The following RAB30 variants were observed in gnomAD, a reference collection of about 807,000 sequenced individuals.
RAB30 encodes RAB30, member RAS oncogene family, also known as ras-related protein Rab-30.
In RAB30, 9 loss-of-function variants were observed where a neutral mutation model predicts 25.1. The observed-to-expected ratio is 0.36, with a 90% CI of 0.22 to 0.63. RAB30 has a LOEUF of 0.63. Ranked by LOEUF, RAB30 falls within the 20% of genes least tolerant of loss-of-function variation. RAB30 has a pLI of 0.69. For missense variants in RAB30, 140 were observed against 243.5 expected (o/e 0.58, Z 2.83); for synonymous variants, 77 against 86.4 (o/e 0.89, Z 0.60).
chr11:83,006,463 C>T (rs1404314691), intron 1 of RAB30, among the ~76,000 whole-genome samples: 1 of 152,114 alleles, frequency 6.6e-6, no homozygotes, highest in Non-Finnish European at 1.5e-5. Context: ...AGGGCGGGGG[C>T]ATATGATTCT....
At chr11:83,016,749 T>C (rs958416859) in intron 1 of RAB30, among the ~76,000 whole-genome samples, 2 of 152,108 alleles carry the variant, frequency 1.3e-5, no homozygotes, top group Non-Finnish European at 2.9e-5. Context: ...GCTCTGAAAA[T>C]AATCAGAACA....
rs1856622533 is a variant in RAB30 at position 82,980,737 on chromosome 11, T to C, written c.*1428A>G. On this transcript the variant is annotated 3_prime_UTR_variant, in exon 5 of 5. Coordinates refer to ENST00000527633, the MANE Select transcript of RAB30 (RefSeq NM_001286060.2). ...CATATTCAGCAGCACATCTCCCATT[T>C]TGAGTCCTGTTTTTAAATTGGCTAA... 1 of 152,126 alleles carries C rather than the reference T, an allele frequency of 6.6e-6. No homozygotes were observed. The highest frequency in any genetic ancestry group is 2.1e-4 in the South Asian group (1 of 4,824). The allele number at this position is 152,126 out of a possible 1,614,324, so 9.4% of individuals were successfully genotyped here.
chr11:83,002,947 T>C (rs972145713), intron 1 of RAB30, among the ~76,000 whole-genome samples: 1 of 152,218 alleles, frequency 6.6e-6, no homozygotes, highest in Non-Finnish European at 1.5e-5. Context: ...CCTAGTCCCC[T>C]AAAATATTTT....
chr11:83,003,770 A>T (rs1189480939), intron 1 of RAB30, among the ~76,000 whole-genome samples: 1 of 151,892 alleles, frequency 6.6e-6, no homozygotes, highest in Non-Finnish European at 1.5e-5. Flanking sequence ...ATTTTATTAC[A>T]AATTTGTTAA....
intron 1 of RAB30, among the ~76,000 whole-genome samples, chr11:83,028,858 G>A (rs534881094): frequency 2.4e-4 from 37 of 152,126 alleles, no homozygotes; most frequent in African/African-American, 7.7e-4. Context: ...CCAACATGGC[G>A]AGACCCTATC....
chr11:83,010,089 G>A (rs1332429749), intron 1 of RAB30, among the ~76,000 whole-genome samples: 2 of 152,150 alleles, frequency 1.3e-5, no homozygotes, highest in Non-Finnish European at 2.9e-5. Context: ...AAGATGGAGG[G>A]AGAAGTAAAA....
At position 83,060,813 on chromosome 11, in the gene RAB30, T is replaced by C. The variant is rs1398027636; in HGVS notation, c.-9+10878A>G. On this transcript the variant is annotated intron_variant, in intron 1 of 4. Transcript: ENST00000527633. Reference sequence around the variant, plus strand: ...AGACTGTTTCCAGAGGAGATAAGCATGTCTCAGTGGACCAGGTGTGGAAGA... The same window carrying C: ...AGACTGTTTCCAGAGGAGATAAGCACGTCTCAGTGGACCAGGTGTGGAAGA... Among the ~76,000 whole-genome samples the C allele has an allele frequency of 2.6e-5, 4 of 152,198 alleles. No individual in the cohort carries two copies. The East Asian group carries it at 7.7e-4, about 29-fold the overall frequency.
Position 83,051,699 on chromosome 11 carries a change from A to G in RAB30, c.-9+19992T>C, listed in dbSNP as rs575813878. On this transcript the variant is annotated intron_variant, in intron 1 of 4. Transcript: ENST00000527633. ...CACTTACAGTTAAAAAAAAAAAACA[A>G]AAACCCTCTTCCCCACCCTCATTTC... Among the ~76,000 whole-genome samples the G allele has an allele frequency of 2.0e-5, 3 of 152,134 alleles. No homozygotes were observed. In the South Asian group the frequency reaches 6.2e-4, roughly 32 times the overall value.
intron 1 of RAB30, among the ~76,000 whole-genome samples, chr11:83,030,460 T>C (rs143776659): frequency 4.8e-4 from 73 of 152,120 alleles, no homozygotes; most frequent in African/African-American, 1.7e-3. Flanking sequence ...TTCATGCCAC[T>C]GTACTCCAGC....
At chr11:83,017,535 C>G (rs1857465461) in intron 1 of RAB30, among the ~76,000 whole-genome samples, 1 of 151,970 alleles carries the variant, frequency 6.6e-6, no homozygotes, top group Non-Finnish European at 1.5e-5. Flanking sequence ...TCAGCCCCCT[C>G]CCACCTTTCC....
At chr11:83,017,142 C>T (rs1386341991) in intron 1 of RAB30, among the ~76,000 whole-genome samples, 1 of 152,120 alleles carries the variant, frequency 6.6e-6, no homozygotes, top group Non-Finnish European at 1.5e-5. Context: ...AGTTCGAGAA[C>T]AGCCTGAGTA....
intron 1 of RAB30, among the ~76,000 whole-genome samples, chr11:83,011,421 G>A (rs2121493437): frequency 6.6e-6 from 1 of 150,562 alleles, no homozygotes; most frequent in South Asian, 2.1e-4. Flanking sequence ...CATAATGTCA[G>A]TTTGTAAGTA....
rs138710501 is a variant in RAB30 at position 83,031,890 on chromosome 11, C to T, written c.-8-34566G>A. On this transcript the variant is annotated intron_variant, in intron 1 of 4. Coordinates refer to ENST00000527633, the MANE Select transcript of RAB30 (RefSeq NM_001286060.2). The stretch of plus-strand genomic sequence containing the variant: ...TAAACTTAGTCGAGGTTCTTTTCTG[C>T]CTCTATTTGTCTTGACCATGTGCTG... 2.6e-5 allele frequency among the ~76,000 whole-genome samples: 4 copies of T among 152,278 alleles called. No homozygotes were observed. The East Asian group carries it at 5.8e-4, about 22-fold the overall frequency.
intron 1 of RAB30, among the ~76,000 whole-genome samples, chr11:83,069,664 T>C (rs568095631): frequency 6.6e-6 from 1 of 152,210 alleles, no homozygotes; most frequent in Non-Finnish European, 1.5e-5. Context: ...GGCAAGCCAC[T>C]TGAAGACTAC....
chr11:82,988,945 T>C (rs1392198824), intron 3 of RAB30, among the ~76,000 whole-genome samples: 1 of 130,114 alleles, frequency 7.7e-6, no homozygotes, highest in South Asian at 2.7e-4. Context: ...TTCTCCCTCA[T>C]GGCACCTGAC....
intron 1 of RAB30, among the ~76,000 whole-genome samples, chr11:83,059,858 T>C (rs1427664398): frequency 6.6e-6 from 1 of 152,116 alleles, no homozygotes; most frequent in Non-Finnish European, 1.5e-5. Context: ...TAATAGATTA[T>C]AACACATTGT....
chr11:83,024,064 G>T (rs962904216), intron 1 of RAB30, among the ~76,000 whole-genome samples: 1 of 152,134 alleles, frequency 6.6e-6, no homozygotes, highest in African/African-American at 2.4e-5. Context: ...GGAAGGACTG[G>T]ATTTTATTCA....
chr11:83,059,182 C>G (rs1477007876), intron 1 of RAB30, among the ~76,000 whole-genome samples: 1 of 152,142 alleles, frequency 6.6e-6, no homozygotes, highest in African/African-American at 2.4e-5. Context: ...GCTCAAATGA[C>G]CTGCCTGCCT....
chr11:83,027,452 G>A lies in RAB30; in HGVS notation c.-8-30128C>T, dbSNP rs1330615927. Among the ~76,000 whole-genome samples, 4 of 152,066 alleles carry A rather than the reference G, an allele frequency of 2.6e-5. No individual in the cohort carries two copies. In the East Asian group the frequency reaches 7.7e-4, roughly 29 times the overall value. ...CCCCACCATCCGAAGAAGAGTGAAAGACTCTTTGCTGGTGAATGTACCCAA... is the reference window on the plus strand; with the variant it reads ...CCCCACCATCCGAAGAAGAGTGAAAAACTCTTTGCTGGTGAATGTACCCAA... On this transcript the variant is annotated intron_variant, in intron 1 of 4. Transcript: ENST00000527633.
Sources: allele counts gnomAD v4.1 joint callset (sites outside exome capture counted in the v4.1 genomes callset), GRCh38; gene constraint gnomAD v4.1.1; transcripts MANE v1.5; gene names NCBI Gene and HGNC (gene_info 2026-07-23, HGNC 2026-07-21).